Variants in SEC31A observed in about 807,000 individuals in gnomAD.
SEC31A encodes the protein SEC31 homolog A, COPII component.
SEC31A carries 70 observed loss-of-function variants against 151.0 expected under a neutral mutation model. The ratio of observed to expected loss-of-function variants is 0.46; its 90% CI spans 0.38 to 0.57. The LOEUF is 0.57. Ranked by LOEUF, SEC31A falls within the 20% of genes least tolerant of loss-of-function variation. The probability of loss-of-function intolerance (pLI) is 0.00; values close to 1 mark genes in which losing one functional copy is unlikely to be tolerated. For missense variants in SEC31A, 1,330 were observed against 1,471.2 expected (o/e 0.90, Z 1.57); for synonymous variants, 475 against 505.9 (o/e 0.94, Z 0.82).
chr4:82,870,250 A>C lies in SEC31A; in HGVS notation c.882+75T>G, dbSNP rs1016558687. ...CATAGTAATCCACTAAAGAATCCAC[A>C]CAGAAAATTTCTTATGTAGCCAGAA... On this transcript the variant is annotated intron_variant, in intron 8 of 26. Transcript: ENST00000395310. 7 of 1,143,268 alleles carry C rather than the reference A, an allele frequency of 6.1e-6. 1 individual carries two copies. In the African/African-American group the frequency reaches 1.1e-4, roughly 18 times the overall value. The allele number at this position is 1,143,268 out of a possible 1,614,324, so 70.8% of individuals were successfully genotyped here.
intron 17 of SEC31A, 29 bp from the exon 18 acceptor site, chr4:82,853,744 T>G: frequency 1.3e-6 from 2 of 1,582,826 alleles, no homozygotes; most frequent in Non-Finnish European, 1.7e-6. Flanking sequence ...TAAAATAAGA[T>G]TATACCCAAG....
At chr4:82,825,211 T>C (rs939539597) in intron 24 of SEC31A, among the ~76,000 whole-genome samples, 1 of 152,194 alleles carries the variant, frequency 6.6e-6, no homozygotes, top group African/African-American at 2.4e-5. Context: ...AGAAGAAATG[T>C]TTAAGTTAAG....
intron 20 of SEC31A, among the ~76,000 whole-genome samples, chr4:82,845,016 G>A (rs1223207417): frequency 6.6e-6 from 1 of 152,198 alleles, no homozygotes; most frequent in Non-Finnish European, 1.5e-5. Context: ...AGGAGGGGAA[G>A]GATAAGGAAA....
At chr4:82,845,109 G>A in intron 20 of SEC31A, 4 of 828,380 alleles carry the variant, frequency 4.8e-6, no homozygotes, top group Non-Finnish European at 7.6e-6. Flanking sequence ...GGGAGTGGGG[G>A]TGAAAGAGCT....
intron 11 of SEC31A, 109 bp downstream of exon 11, chr4:82,864,253 A>C: frequency 1.3e-6 from 1 of 790,492 alleles, no homozygotes; most frequent in Non-Finnish European, 2.0e-6. Flanking sequence ...TGAATTGCTG[A>C]AATCACACTT....
chr4:82,887,056 T>C (rs989563151), intron 1 of SEC31A, among the ~76,000 whole-genome samples: 6 of 152,238 alleles, frequency 3.9e-5, no homozygotes, highest in African/African-American at 1.2e-4. Context: ...ATAAAACATT[T>C]ACTTTTAAAT....
intron 12 of SEC31A, among the ~76,000 whole-genome samples, chr4:82,862,914 G>A (rs1734511793): frequency 6.6e-6 from 1 of 152,214 alleles, no homozygotes; most frequent in Non-Finnish European, 1.5e-5. Context: ...CTAAAGGAGT[G>A]AGCAAAGACA....
In SEC31A at chr4:82,851,520, C is replaced by T; in HGVS notation, c.2239G>A (p.Ala747Thr). The change falls in exon 19 of 27, where the codon GCT becomes ACT. Residue 747 changes from alanine to threonine, a missense_variant. Physicochemically the swap from Ala to Thr is moderately conservative, Grantham distance 58 (BLOSUM62 0). Coordinates refer to ENST00000395310, the MANE Select transcript of SEC31A (RefSeq NM_001077207.4). Reference protein sequence around the residue: ...MDTSTVGVLLAAKMSQYANLL... With the variant: ...MDTSTVGVLLTAKMSQYANLL... ...TTGGCATACTGACTCATCTTCGCAG[C>T]CAAGAGAACTCCTACAGTACTAGTG... 6.2e-7 allele frequency: 1 copy of T among 1,614,054 alleles called. No homozygotes were observed. Among genetic ancestry groups the T allele is most frequent in the Non-Finnish European group, 8.5e-7 (1 of 1,179,948 alleles).
At chr4:82,843,546 A>G (rs1028876425) in intron 21 of SEC31A, 13 of 152,206 alleles carry the variant, frequency 8.5e-5, no homozygotes, top group Admixed American at 8.5e-4. Flanking sequence ...TTTCCTATCT[A>G]CTCTGAAGAC....
chr4:82,880,724 T>C lies in SEC31A; in HGVS notation c.203+75A>G, dbSNP rs1008807396. On this transcript the variant is annotated intron_variant, in intron 3 of 26. Coordinates refer to ENST00000395310, the MANE Select transcript of SEC31A (RefSeq NM_001077207.4). ...TTCCTTGTAGTTTCTAATAATGGCA[T>C]AATTATAGACAAATTAGGAATCAAG... 53 of 1,285,404 alleles carry C rather than the reference T, an allele frequency of 4.1e-5. No homozygotes were observed. In the African/African-American group the frequency reaches 6.8e-4, roughly 16 times the overall value. 79.6% of individuals were successfully genotyped at this position (1,285,404 alleles called of 1,614,324 possible).
At position 82,862,534 on chromosome 4, in the gene SEC31A, C is replaced by T; in HGVS notation, c.1548G>A (p.Val516=). 1 of 1,612,718 alleles carries T rather than the reference C, an allele frequency of 6.2e-7. No individual in the cohort carries two copies. Among genetic ancestry groups the T allele is most frequent in the Non-Finnish European group, 8.5e-7 (1 of 1,179,044 alleles). The part of the protein sequence containing the change: ...LALNKVDGAN[V]ALKDSDQVAQ... ...TAGCTATTTTTAAAGGCCTTCTTAC[C>T]ACATTGGCTCCATCCACTTTGTTCA... The change falls in exon 13 of 27, where the codon GTG becomes GTA. Residue 516 remains valine (V), a splice_region_variant and synonymous_variant. Coordinates refer to ENST00000395310, the MANE Select transcript of SEC31A (RefSeq NM_001077207.4).
rs780548665 is a variant in SEC31A at position 82,848,988 on chromosome 4, T to A, written c.2329-11A>T. ...CTGCATGATATTTGGCTAAAAAGGA[T>A]TGGAAAAACAGCAGACTGTTGAGAG... is the stretch of plus-strand genomic sequence containing the variant. On this transcript the variant is annotated splice_polypyrimidine_tract_variant and intron_variant, in intron 19 of 26. Transcript: ENST00000395310. 6.2e-7 allele frequency: 1 copy of A among 1,610,112 alleles called. No individual in the cohort carries two copies. The highest frequency in any genetic ancestry group is 1.1e-5 in the South Asian group (1 of 90,392).
At chr4:82,835,431 TG>T (rs1726973407) in intron 22 of SEC31A, among the ~76,000 whole-genome samples, 1 of 152,200 alleles carries the variant, frequency 6.6e-6, no homozygotes, top group African/African-American at 2.4e-5. Flanking sequence ...AAAGTGGGGA[TG>T]AATCTTTTAC....
intron 23 of SEC31A, among the ~76,000 whole-genome samples, chr4:82,827,933 G>C (rs563405415): frequency 7.8e-6 from 1 of 128,828 alleles, no homozygotes; most frequent in African/African-American, 2.9e-5. Context: ...TTTTTTTTTT[G>C]AGATAGAGTC....
chr4:82,853,990 C>T (rs138306378), intron 17 of SEC31A, among the ~76,000 whole-genome samples: 92 of 152,178 alleles, frequency 6.0e-4, no homozygotes, highest in African/African-American at 2.0e-3. Context: ...ATGGGAACAA[C>T]ATTTGAACAA....
Position 82,863,362 on chromosome 4 carries a change from A to G in SEC31A, c.1465T>C (p.Tyr489His). ...VNFEDDSRGK[Y>H]LELLGYRKED... ...TTTCTGTATCCTAGAAGTTCAAGGT[A>G]TTTTCCACGAGAATCATCCTCAAAG... The change falls in exon 12 of 27, where the codon TAC becomes CAC. Residue 489 changes from tyrosine to histidine, a missense_variant. Tyr to His is a moderately conservative substitution (Grantham distance 83). Coordinates refer to ENST00000395310, the MANE Select transcript of SEC31A (RefSeq NM_001077207.4). 1.3e-6 allele frequency: 2 copies of G among 1,580,522 alleles called. No individual in the cohort carries two copies. Among genetic ancestry groups the G allele is most frequent in the Non-Finnish European group, 1.7e-6 (2 of 1,168,608 alleles).
intron 15 of SEC31A, 108 bp downstream of exon 15, chr4:82,857,581 T>A: frequency 1.4e-6 from 1 of 737,788 alleles, no homozygotes; most frequent in Non-Finnish European, 2.3e-6. Flanking sequence ...GCTGGGACTA[T>A]AAGCATGCAC....
rs957059426 is a variant in SEC31A, at chr4:82,842,438, T to C, written c.2670A>G (p.Ser890=). Reference sequence around the variant, plus strand: ...CAGGCTGCTGAGGTCGATACATTGCTGACCCCCCTGTTCCGAAGGGATACG... The same window carrying C: ...CAGGCTGCTGAGGTCGATACATTGCCGACCCCCCTGTTCCGAAGGGATACG... ...AQPYPFGTGG[S]AMYRPQQPVA... The change falls in exon 22 of 27, where the codon TCA becomes TCG. Residue 890 remains serine (S), a synonymous_variant. Transcript: ENST00000395310. 1 of 1,613,636 alleles carries C rather than the reference T, an allele frequency of 6.2e-7. No individual in the cohort carries two copies. Among genetic ancestry groups the C allele is most frequent in the African/African-American group, 1.3e-5 (1 of 74,914 alleles).
chr4:82,856,397 C>A (rs112510003), intron 16 of SEC31A, among the ~76,000 whole-genome samples: 3,235 of 151,788 alleles, frequency 0.021, 126 homozygotes, highest in African/African-American at 0.074. Context: ...GACCCCCCCA[C>A]CTCTGCCTCC....
Sources: gnomAD v4.1 joint callset for allele counts (sites outside exome capture counted in the v4.1 genomes callset) on GRCh38, gnomAD v4.1.1 for gene constraint, MANE v1.5 for transcripts, NCBI Gene and HGNC (gene_info 2026-07-23, HGNC 2026-07-21) for gene names.